Variants in ARRB1 observed in about 807,000 individuals in gnomAD.
ARRB1 encodes the protein arrestin beta 1.
ARRB1 carries 21 observed loss-of-function variants against 56.8 expected under a neutral mutation model. The observed-to-expected ratio is 0.37, with a 90% CI of 0.26 to 0.53. The LOEUF is 0.53. ARRB1 is among the 20% of genes least tolerant of loss of function. The probability of loss-of-function intolerance (pLI) is 0.88; values close to 1 mark genes in which losing one functional copy is unlikely to be tolerated. For synonymous variants in ARRB1, 210 were observed against 218.6 expected, an observed-to-expected ratio of 0.96 and a Z score of 0.35; for missense variants, 424 against 553.7, an observed-to-expected ratio of 0.77 and a Z score of 2.35.
chr11:75,322,038 T>C (rs1316724860), intron 1 of ARRB1, among the ~76,000 whole-genome samples: 1 of 152,228 alleles, frequency 6.6e-6, no homozygotes, highest in Non-Finnish European at 1.5e-5. Context: ...CAAACAAGTA[T>C]ATGGTGACTC....
At chr11:75,300,922 C>T (rs1233263337) in intron 1 of ARRB1, among the ~76,000 whole-genome samples, 3 of 144,412 alleles carry the variant, frequency 2.1e-5, no homozygotes, top group Non-Finnish European at 4.5e-5. Flanking sequence ...GAGCCGAGAT[C>T]GCGCCACTGC....
At chr11:75,277,513 G>C in intron 8 of ARRB1, 65 bp from the exon 9 acceptor site, 1 of 1,441,972 alleles carries the variant, frequency 6.9e-7, no homozygotes, top group Non-Finnish European at 9.8e-7. Context: ...AAAGGGGAGG[G>C]AGAAAAGCCC....
intron 1 of ARRB1, among the ~76,000 whole-genome samples, chr11:75,298,850 A>G (rs1005478560): frequency 6.6e-6 from 1 of 152,044 alleles, no homozygotes; most frequent in African/African-American, 2.4e-5. Context: ...GTACATAGGC[A>G]TAAAATGGGA....
rs777381801 is a variant in ARRB1 at position 75,271,724 on chromosome 11, G to C, written c.999C>G (p.Gly333=). The change falls in exon 13 of 16, where the codon GGC becomes GGG. Residue 333 remains glycine (G), a splice_region_variant and synonymous_variant. Transcript: ENST00000420843. ...ACCTGGATGCAAGATCTCCCAACAG[G>C]CTGGGTGGGTCAGAGGAGGCAGGAG... ...VKVKLVVSRG[G]LLGDLASSDV... 17 of 1,572,520 alleles carry C rather than the reference G, an allele frequency of 1.1e-5. No individual in the cohort carries two copies. In the East Asian group the frequency reaches 3.5e-4, roughly 32 times the overall value.
chr11:75,266,521 A>G (rs1404955905), intron 15 of ARRB1, among the ~76,000 whole-genome samples: 1 of 152,150 alleles, frequency 6.6e-6, no homozygotes, highest in Non-Finnish European at 1.5e-5. Flanking sequence ...AGGGGCAGAG[A>G]GGGGCATGAA....
At chr11:75,349,510 C>T (rs1373741051) in intron 1 of ARRB1, among the ~76,000 whole-genome samples, 2 of 152,174 alleles carry the variant, frequency 1.3e-5, no homozygotes, top group Non-Finnish European at 1.5e-5. Context: ...ACAATCATGT[C>T]AGCAGGACAA....
chr11:75,275,233 A>C (rs1478426191), intron 10 of ARRB1, among the ~76,000 whole-genome samples: 2 of 150,744 alleles, frequency 1.3e-5, no homozygotes, highest in African/African-American at 4.9e-5. Context: ...TGGAACCTCC[A>C]CCTCCCAGGT....
chr11:75,324,409 C>T, intron 1 of ARRB1, among the ~76,000 whole-genome samples: 1 of 152,192 alleles, frequency 6.6e-6, no homozygotes, highest in Non-Finnish European at 1.5e-5. Context: ...TCTGAGTCCA[C>T]AGCAGCCGCC....
chr11:75,299,830 C>T (rs1946853874), intron 1 of ARRB1, among the ~76,000 whole-genome samples: 1 of 152,080 alleles, frequency 6.6e-6, no homozygotes, highest in Admixed American at 6.5e-5. Context: ...ATAGTAGGTG[C>T]TCAATAAATA....
At position 75,334,700 on chromosome 11, in the gene ARRB1, A is replaced by G. The variant is rs546965028; in HGVS notation, c.20+16888T>C. On this transcript the variant is annotated intron_variant, in intron 1 of 15. Coordinates refer to ENST00000420843, the MANE Select transcript of ARRB1 (RefSeq NM_004041.5). ...GAAGCCTTTCCAGTCTCTAATTTACATGGCAAGTGAAGCTGCAGGTTCAGC... is the reference window on the plus strand; with the variant it reads ...GAAGCCTTTCCAGTCTCTAATTTACGTGGCAAGTGAAGCTGCAGGTTCAGC... Among the ~76,000 whole-genome samples, 9 of 152,332 alleles carry G rather than the reference A, an allele frequency of 5.9e-5. No homozygotes were observed. In the East Asian group the frequency reaches 1.5e-3, roughly 26 times the overall value.
At chr11:75,331,969 G>A (rs1401751931) in intron 1 of ARRB1, among the ~76,000 whole-genome samples, 1 of 152,046 alleles carries the variant, frequency 6.6e-6, no homozygotes, top group Non-Finnish European at 1.5e-5. Flanking sequence ...TGCCTTAACT[G>A]ATGACATTAC....
At chr11:75,345,666 G>T (rs550161557) in intron 1 of ARRB1, among the ~76,000 whole-genome samples, 207 of 152,304 alleles carry the variant, frequency 1.4e-3, no homozygotes, top group African/African-American at 4.8e-3. Context: ...CCGCTCAGGC[G>T]CCCCATGCTA....
In ARRB1 at chr11:75,295,972, G is replaced by T. The variant is rs568896311; in HGVS notation, c.21-5933C>A. On this transcript the variant is annotated intron_variant, in intron 1 of 15. Coordinates refer to ENST00000420843, the MANE Select transcript of ARRB1 (RefSeq NM_004041.5). Reference sequence around the variant, plus strand: ...GGCTGAGGCGGGCGGATCACTTGAGGCCAGGAGTTTGAGACCAGCCCGGTG... The same window carrying T: ...GGCTGAGGCGGGCGGATCACTTGAGTCCAGGAGTTTGAGACCAGCCCGGTG... Among the ~76,000 whole-genome samples the T allele has an allele frequency of 8.5e-5, 13 of 152,142 alleles. No individual in the cohort carries two copies. The South Asian group carries it at 2.3e-3, about 27-fold the overall frequency.
In ARRB1 at chr11:75,327,599, G is replaced by GGTTTTTTTTTT. The variant is rs55710203; in HGVS notation, c.20+23988_20+23989insAAAAAAAAAAC. ...TTGTTTTGTTTTGTTTTTTGTTTTT[G>GGTTTTTTTTTT]TTTTTTTTTTTTGAGTCTTGCTCTT... On this transcript the variant is annotated intron_variant, in intron 1 of 15. Transcript: ENST00000420843. Among the ~76,000 whole-genome samples, 2 of 146,694 alleles carry GGTTTTTTTTTT rather than the reference G, an allele frequency of 1.4e-5. 1 individual carries two copies.
chr11:75,270,498 G>T (rs1325404035), intron 13 of ARRB1, among the ~76,000 whole-genome samples: 2 of 152,126 alleles, frequency 1.3e-5, no homozygotes, highest in Non-Finnish European at 2.9e-5. Flanking sequence ...TGTGGTGGCG[G>T]GTGCCTATAA....
At chr11:75,322,199 G>C (rs554136817) in intron 1 of ARRB1, among the ~76,000 whole-genome samples, 2 of 152,338 alleles carry the variant, frequency 1.3e-5, no homozygotes, top group South Asian at 4.1e-4. Flanking sequence ...ACAAGGGCTG[G>C]GGTGCTGAAC....
Position 75,307,424 on chromosome 11 carries a change from G to C in ARRB1, c.21-17385C>G, listed in dbSNP as rs115371375. Reference sequence around the variant, plus strand: ...CCCCATCAGATTGGAGGCTCCTGCAGGATGGAGGCCATGCTTCATTCCTCA... The same window carrying C: ...CCCCATCAGATTGGAGGCTCCTGCACGATGGAGGCCATGCTTCATTCCTCA... On this transcript the variant is annotated intron_variant, in intron 1 of 15. Coordinates refer to ENST00000420843, the MANE Select transcript of ARRB1 (RefSeq NM_004041.5). 6.9e-3 allele frequency among the ~76,000 whole-genome samples: 1,045 copies of C among 152,254 alleles called. 18 individuals carry two copies. The highest frequency in any genetic ancestry group is 0.024 in the African/African-American group (1,008 of 41,568).
chr11:75,296,584 C>T (rs1440636582), intron 1 of ARRB1, among the ~76,000 whole-genome samples: 1 of 152,154 alleles, frequency 6.6e-6, no homozygotes, highest in Admixed American at 6.6e-5. Context: ...AGGGAGAGGG[C>T]TACACAACAA....
At chr11:75,266,337 G>C (rs1299189312) in intron 15 of ARRB1, 63 bp from the exon 16 acceptor site, 2 of 1,371,960 alleles carry the variant, frequency 1.5e-6, no homozygotes, top group Non-Finnish European at 2.1e-6. Context: ...GGCTTATCCA[G>C]AGGCCCGGCC....
Sources: gnomAD v4.1 joint callset for allele counts (sites outside exome capture counted in the v4.1 genomes callset) on GRCh38, gnomAD v4.1.1 for gene constraint, MANE v1.5 for transcripts, NCBI Gene and HGNC (gene_info 2026-07-23, HGNC 2026-07-21) for gene names.